The following CYB5A variants were observed in gnomAD, a reference collection of about 807,000 sequenced individuals.
CYB5A encodes cytochrome b5 type A.
A neutral mutation model predicts 16.2 loss-of-function variants in CYB5A; 10 were observed. That is an observed-to-expected ratio of 0.62 (90% CI 0.38 to 1.04). The LOEUF is 1.04. CYB5A is among the 50% of genes least tolerant of loss of function. The pLI, the probability that CYB5A is intolerant of heterozygous loss-of-function variation, is 0.01. For synonymous variants in CYB5A, 62 were observed against 57.0 expected, an observed-to-expected ratio of 1.09 and a Z score of -0.40; for missense variants, 161 against 165.9, an observed-to-expected ratio of 0.97 and a Z score of 0.16.
chr18:74,289,415 A>G (rs949036723), intron 1 of CYB5A, among the ~76,000 whole-genome samples: 7 of 152,116 alleles, frequency 4.6e-5, no homozygotes, highest in African/African-American at 1.4e-4. Context: ...GTAATTCTCA[A>G]GTTGGAGAGA....
intron 1 of CYB5A, among the ~76,000 whole-genome samples, chr18:74,276,562 A>ACC (rs1555689987): frequency 1.6e-4 from 23 of 148,094 alleles, no homozygotes; most frequent in Non-Finnish European, 3.0e-4. Context: ...ACACACACAC[A>ACC]CCCTTCTGTC....
chr18:74,291,850 A>C lies in CYB5A; in HGVS notation c.26T>G (p.Val9Gly). ...AATCTCCTCTAGGGTGTAGTACTTC[A>C]CGGCCTCGTCCGACTGCTCTGCCAT... Reference protein sequence around the residue: MAEQSDEAVKYYTLEEIQK... With the variant: MAEQSDEAGKYYTLEEIQK... Residue 9 changes from valine (V) to glycine (G), a missense_variant, in exon 1 of 5, where the codon GTG becomes GGG. Physicochemically the swap from Val to Gly is moderately radical, Grantham distance 109. Coordinates refer to ENST00000340533, the MANE Select transcript of CYB5A (RefSeq NM_148923.4). 6.2e-7 allele frequency: 1 copy of C among 1,612,704 alleles called. No homozygotes were observed. The highest frequency in any genetic ancestry group is 8.5e-7 in the Non-Finnish European group (1 of 1,179,778).
chr18:74,278,015 A>T (rs1982947635), intron 1 of CYB5A, among the ~76,000 whole-genome samples: 1 of 152,240 alleles, frequency 6.6e-6, no homozygotes, highest in Non-Finnish European at 1.5e-5. Flanking sequence ...CTAGGGACAA[A>T]TAATGATGAA....
chr18:74,282,696 A>G (rs1437979382), intron 1 of CYB5A, among the ~76,000 whole-genome samples: 1 of 152,216 alleles, frequency 6.6e-6, no homozygotes, highest in Non-Finnish European at 1.5e-5. Flanking sequence ...GGTAAAAACA[A>G]GTTTGGCTTG....
At chr18:74,254,988 T>C (rs1981916211) in intron 4 of CYB5A, among the ~76,000 whole-genome samples, 1 of 152,242 alleles carries the variant, frequency 6.6e-6, no homozygotes, top group African/African-American at 2.4e-5. Flanking sequence ...AGTGAAACTT[T>C]CATAAGAATT....
intron 1 of CYB5A, among the ~76,000 whole-genome samples, chr18:74,281,918 T>C (rs1220519732): frequency 4.0e-5 from 6 of 151,788 alleles, no homozygotes; most frequent in African/African-American, 1.5e-4. Flanking sequence ...GGGGCCTGGT[T>C]TATACTGGGG....
At chr18:74,280,504 G>C (rs1599263983) in intron 1 of CYB5A, among the ~76,000 whole-genome samples, 1 of 151,770 alleles carries the variant, frequency 6.6e-6, no homozygotes, top group East Asian at 1.9e-4. Flanking sequence ...CCTGAGTCCA[G>C]GTGGTGGAGG....
At chr18:74,268,701 C>T (rs557610055) in intron 1 of CYB5A, among the ~76,000 whole-genome samples, 24 of 152,000 alleles carry the variant, frequency 1.6e-4, no homozygotes, top group Admixed American at 5.2e-4. Context: ...GGCTTCCGGA[C>T]GGTAAGGATG....
chr18:74,286,705 G>A (rs57686386), intron 1 of CYB5A, among the ~76,000 whole-genome samples: 1 of 152,072 alleles, frequency 6.6e-6, no homozygotes, highest in Admixed American at 6.5e-5. Flanking sequence ...AGCGGGACAG[G>A]GTTGTTCAGA....
intron 1 of CYB5A, among the ~76,000 whole-genome samples, chr18:74,289,769 T>C: frequency 8.6e-6 from 1 of 116,038 alleles, no homozygotes; most frequent in Admixed American, 9.4e-5. Flanking sequence ...AGAGCAAAAC[T>C]CTGTCTCAAA....
At chr18:74,283,640 A>AGTATGGGTGTTGAT (rs1394930743) in intron 1 of CYB5A, among the ~76,000 whole-genome samples, 18 of 152,184 alleles carry the variant, frequency 1.2e-4, no homozygotes, top group African/African-American at 4.3e-4. Context: ...TCCTCCAGAG[A>AGTATGGGTGTTGAT]ACTCTCCAGT....
rs532515311 is a variant in CYB5A at position 74,258,212 on chromosome 18, G to C, written c.289-2437C>G. On this transcript the variant is annotated intron_variant, in intron 3 of 4. Coordinates refer to ENST00000340533, the MANE Select transcript of CYB5A (RefSeq NM_148923.4). ...TGCTAGATGGTTCTGGAGCACGTCT[G>C]TGAGCCGGGTGCTTAACACTTCCCA... The C allele has an allele frequency of 3.3e-4, 51 of 152,328 alleles. 1 individual carries two copies. The highest frequency in any genetic ancestry group is 1.2e-3 in the African/African-American group (51 of 41,560). The allele number at this position is 152,328 out of a possible 1,614,324, so 9.4% of individuals were successfully genotyped here. A position where few individuals can be genotyped will look rare whatever the true frequency, so the allele number is the denominator to read the frequency against.
chr18:74,291,827 TCTC>T lies in CYB5A; in HGVS notation c.46_48del (p.Glu16del), dbSNP rs1983558801. ...CTCTTGCTGTGGTTGTGCTTCTGAA[TCTC>T]CTCTAGGGTGTAGTACTTCACGGCC... On this transcript the variant is annotated inframe_deletion, in exon 1 of 5. Transcript: ENST00000340533. 4 of 1,613,648 alleles carry T rather than the reference TCTC, an allele frequency of 2.5e-6. No homozygotes were observed. The highest frequency in any genetic ancestry group is 3.4e-6 in the Non-Finnish European group (4 of 1,179,854).
At chr18:74,255,665 GGGGGA>G in intron 4 of CYB5A, 71 bp downstream of exon 4, 1 of 1,200,482 alleles carries the variant, frequency 8.3e-7, no homozygotes. Context: ...CCCAGAAGGT[GGGGGA>G]CGCACCTTGT....
intron 1 of CYB5A, 36 bp from the exon 2 acceptor site, chr18:74,263,513 T>G (rs778089288): frequency 1.9e-6 from 3 of 1,605,126 alleles, no homozygotes; most frequent in Non-Finnish European, 2.6e-6. Context: ...AATTTTTTTT[T>G]CAGGCAAATG....
In CYB5A at chr18:74,285,523, T is replaced by C. The variant is rs191921185; in HGVS notation, c.129+6224A>G. On this transcript the variant is annotated intron_variant, in intron 1 of 4. Coordinates refer to ENST00000340533, the MANE Select transcript of CYB5A (RefSeq NM_148923.4). The stretch of plus-strand genomic sequence containing the variant: ...AGGCGCAACCAAGTTCCTCCACTCC[T>C]AAGAACCGAGAAATGCACACACTGG... 3.7e-3 allele frequency among the ~76,000 whole-genome samples: 569 copies of C among 152,292 alleles called. 13 individuals carry two copies. Among genetic ancestry groups the C allele is most frequent in the Admixed American group, 0.022 (335 of 15,290 alleles).
intron 1 of CYB5A, among the ~76,000 whole-genome samples, chr18:74,271,616 AATCACCATATCC>A (rs1299878499): frequency 1.3e-5 from 2 of 152,186 alleles, no homozygotes; most frequent in Non-Finnish European, 2.9e-5. Context: ...CAATCAAGCT[AATCACCATATCC>A]ATCACCTCAT....
At chr18:74,257,265 C>T (rs1313879559) in intron 3 of CYB5A, 1 of 247,338 alleles carries the variant, frequency 4.0e-6, no homozygotes. Context: ...CATGGGAGAG[C>T]GCTAAGGTTA....
chr18:74,281,879 G>A (rs748347232), intron 1 of CYB5A, among the ~76,000 whole-genome samples: 19 of 151,788 alleles, frequency 1.3e-4, no homozygotes, highest in Non-Finnish European at 2.1e-4. Context: ...GAACACTGAT[G>A]AGAATAACCC....
Sources: gnomAD v4.1 joint callset for allele counts (sites outside exome capture counted in the v4.1 genomes callset) on GRCh38, gnomAD v4.1.1 for gene constraint, MANE v1.5 for transcripts, NCBI Gene and HGNC (gene_info 2026-07-23, HGNC 2026-07-21) for gene names.